Variants in SLC26A7 observed in about 807,000 individuals in gnomAD.
SLC26A7 encodes the protein solute carrier family 26 member 7, also known as anion exchange transporter.
SLC26A7 carries 59 observed loss-of-function variants against 82.5 expected under a neutral mutation model. The ratio of observed to expected loss-of-function variants is 0.72; its 90% CI spans 0.58 to 0.89. SLC26A7 has a LOEUF of 0.89. Among genes scored for constraint, SLC26A7 ranks in the 40% least tolerant of loss-of-function variants. The pLI is 0.00. For missense variants in SLC26A7, 820 were observed against 793.0 expected, an observed-to-expected ratio of 1.03 and a Z score of -0.41; for synonymous variants, 271 against 274.3, an observed-to-expected ratio of 0.99 and a Z score of 0.12.
chr8:91,315,456 C>CAA (rs369402122), intron 4 of SLC26A7, among the ~76,000 whole-genome samples: 39 of 102,540 alleles, frequency 3.8e-4, no homozygotes, highest in African/African-American at 5.3e-4. Flanking sequence ...CAAGAGCTGC[C>CAA]AAAAAAAAAA....
At chr8:91,254,380 C>T (rs1810744143) in intron 2 of SLC26A7, among the ~76,000 whole-genome samples, 4 of 152,064 alleles carry the variant, frequency 2.6e-5, no homozygotes, top group African/African-American at 9.7e-5. Context: ...AATTTGTTTC[C>T]CCTGCCAAGA....
chr8:91,299,604 T>G (rs937356585), intron 4 of SLC26A7, among the ~76,000 whole-genome samples: 1 of 152,176 alleles, frequency 6.6e-6, no homozygotes, highest in Non-Finnish European at 1.5e-5. Context: ...CCATATGTAC[T>G]TATATCAATT....
chr8:91,253,062 G>A (rs1259174287), intron 2 of SLC26A7, among the ~76,000 whole-genome samples: 2 of 152,026 alleles, frequency 1.3e-5, no homozygotes, highest in African/African-American at 2.4e-5. Flanking sequence ...ACCTCCATTC[G>A]AACCAGAACT....
At chr8:91,294,201 T>A (rs1055318799) in intron 3 of SLC26A7, among the ~76,000 whole-genome samples, 6 of 152,238 alleles carry the variant, frequency 3.9e-5, no homozygotes, top group Non-Finnish European at 5.9e-5. Context: ...TTAAAAATTA[T>A]ATGAATAGCT....
chr8:91,234,557 A>G (rs926786622), intron 2 of SLC26A7, among the ~76,000 whole-genome samples: 4 of 151,948 alleles, frequency 2.6e-5, no homozygotes, highest in African/African-American at 9.7e-5. Flanking sequence ...TTTCAGCTTC[A>G]TAAAATACTT....
intron 11 of SLC26A7, among the ~76,000 whole-genome samples, chr8:91,353,385 C>T (rs572998367): frequency 5.8e-4 from 88 of 152,232 alleles, no homozygotes; most frequent in East Asian, 2.5e-3. Flanking sequence ...TAAGAATGCA[C>T]GCTGCGCGCA....
At chr8:91,244,997 A>T (rs1810524860), upstream of SLC26A7, among the ~76,000 whole-genome samples, 1 of 152,252 alleles carries the variant, frequency 6.6e-6, no homozygotes, top group Non-Finnish European at 1.5e-5. Context: ...TTGAGAACAT[A>T]GAACTTTGCT....
chr8:91,394,182 A>G, intron 18 of SLC26A7, 143 bp downstream of exon 18: 3 of 1,611,272 alleles, frequency 1.9e-6, no homozygotes, highest in Non-Finnish European at 2.5e-6. Flanking sequence ...CAGACTTTCT[A>G]TTACAGGTAA....
intron 4 of SLC26A7, among the ~76,000 whole-genome samples, chr8:91,306,109 G>A (rs1812297063): frequency 6.6e-6 from 1 of 152,088 alleles, no homozygotes; most frequent in African/African-American, 2.4e-5. Flanking sequence ...GGCTAGTTTT[G>A]TTACTTCCAG....
intron 2 of SLC26A7, among the ~76,000 whole-genome samples, chr8:91,229,212 C>T (rs1317448746): frequency 6.6e-6 from 1 of 152,210 alleles, no homozygotes; most frequent in Non-Finnish European, 1.5e-5. Flanking sequence ...GGAAGTCCCT[C>T]CCTGGCCACC....
rs532041971 is a variant in SLC26A7 at position 91,305,788 on chromosome 8, A to G, written c.477+10085A>G. On this transcript the variant is annotated intron_variant, in intron 4 of 18. Coordinates refer to ENST00000276609, the MANE Select transcript of SLC26A7 (RefSeq NM_052832.4). ...ATATGATTAGTTTGTCTGTGGAGTA[A>G]TGTGTACTTGGCTCATCTCTCTGCT... Among the ~76,000 whole-genome samples, 11 of 152,304 alleles carry G rather than the reference A, an allele frequency of 7.2e-5. No homozygotes were observed. In the South Asian group the frequency reaches 1.9e-3, roughly 26 times the overall value.
In SLC26A7 at chr8:91,386,794, G is replaced by A. The variant is rs78792257; in HGVS notation, c.1676-2544G>A. Among the ~76,000 whole-genome samples, 338 of 152,210 alleles carry A rather than the reference G, an allele frequency of 2.2e-3. 1 individual carries two copies. The highest frequency in any genetic ancestry group is 7.9e-3 in the African/African-American group (327 of 41,548). On this transcript the variant is annotated intron_variant, in intron 15 of 18. Coordinates refer to ENST00000276609, the MANE Select transcript of SLC26A7 (RefSeq NM_052832.4). ...CAACATGCTGTCATTAAGCATGGAA[G>A]ATATATACACAACTGACTTTCAAGA...
chr8:91,297,170 T>A (rs1446724948), intron 4 of SLC26A7, among the ~76,000 whole-genome samples: 1 of 152,166 alleles, frequency 6.6e-6, no homozygotes, highest in Non-Finnish European at 1.5e-5. Context: ...CTACAAAGCA[T>A]GAAACAAGTA....
At chr8:91,306,564 A>C (rs191567094) in intron 4 of SLC26A7, among the ~76,000 whole-genome samples, 27 of 152,304 alleles carry the variant, frequency 1.8e-4, no homozygotes, top group Non-Finnish European at 2.6e-4. Context: ...GCAGAAAAGC[A>C]CAAAAATAGT....
chr8:91,379,359 C>G (rs1203068531), intron 15 of SLC26A7, among the ~76,000 whole-genome samples: 1 of 151,956 alleles, frequency 6.6e-6, no homozygotes, highest in Non-Finnish European at 1.5e-5. Context: ...CAAGAATAGT[C>G]AAGACACTTG....
At chr8:91,283,610 A>C (rs1440636191) in intron 2 of SLC26A7, among the ~76,000 whole-genome samples, 4 of 152,136 alleles carry the variant, frequency 2.6e-5, no homozygotes, top group Non-Finnish European at 4.4e-5. Context: ...ATTGGTACTT[A>C]GCCTTTATTC....
intron 1 of SLC26A7, among the ~76,000 whole-genome samples, chr8:91,210,652 G>A (rs950157313): frequency 6.6e-6 from 1 of 151,394 alleles, no homozygotes; most frequent in Admixed American, 6.6e-5. Flanking sequence ...AGGAAAATAA[G>A]GAGATTTGAT....
intron 6 of SLC26A7, among the ~76,000 whole-genome samples, chr8:91,336,087 C>A (rs1240632973): frequency 1.3e-5 from 2 of 152,118 alleles, no homozygotes; most frequent in Non-Finnish European, 1.5e-5. Flanking sequence ...AGGTGCCCTG[C>A]AAGCAGGCAG....
intron 5 of SLC26A7, among the ~76,000 whole-genome samples, chr8:91,329,671 AT>A (rs1442678835): frequency 6.6e-6 from 1 of 152,174 alleles, no homozygotes. Flanking sequence ...TTAATACCAC[AT>A]AAAACAGCAG....
Sources: gnomAD v4.1 joint callset for allele counts (sites outside exome capture counted in the v4.1 genomes callset) on GRCh38, gnomAD v4.1.1 for gene constraint, MANE v1.5 for transcripts, NCBI Gene and HGNC (gene_info 2026-07-23, HGNC 2026-07-21) for gene names.